PARD3: variants seen among roughly 807,000 people sequenced by gnomAD.
PARD3 encodes partitioning defective 3 homolog.
A neutral mutation model predicts 155.4 loss-of-function variants in PARD3; 75 were observed. The ratio of observed to expected loss-of-function variants is 0.48; its 90% CI spans 0.40 to 0.58. The LOEUF is 0.58. Ranked by LOEUF, PARD3 falls within the 20% of genes least tolerant of loss-of-function variation. PARD3 has a pLI of 0.00. For synonymous variants in PARD3, 576 were observed against 610.5 expected, an observed-to-expected ratio of 0.94 and a Z score of 0.83; for missense variants, 1,642 against 1,721.7, an observed-to-expected ratio of 0.95 and a Z score of 0.82.
chr10:34,422,117 G>A (rs547257873), intron 5 of PARD3, among the ~76,000 whole-genome samples: 1 of 152,262 alleles, frequency 6.6e-6, no homozygotes, highest in South Asian at 2.1e-4. Flanking sequence ...AGGAATCTCA[G>A]TTTATGAATA....
Position 34,706,973 on chromosome 10 carries a change from C to T in PARD3, c.121-10554G>A, listed in dbSNP as rs567439798. ...AAATTTTAAAAATTAGGGCTGGGTT[C>T]GGTAGCTCACACCTGTAATCCTAGC... On this transcript the variant is annotated intron_variant, in intron 1 of 24. Transcript: ENST00000374788. Among the ~76,000 whole-genome samples the T allele has an allele frequency of 9.9e-5, 15 of 151,712 alleles. No individual in the cohort carries two copies. In the East Asian group the frequency reaches 2.3e-3, roughly 24 times the overall value.
At chr10:34,658,521 G>GGGGGCT (rs1171573924) in intron 2 of PARD3, among the ~76,000 whole-genome samples, 3 of 152,082 alleles carry the variant, frequency 2.0e-5, no homozygotes, top group Non-Finnish European at 2.9e-5. Context: ...AGAAGATGCT[G>GGGGGCT]GGGGCTGGGG....
At chr10:34,635,168 G>T (rs1445741216) in intron 2 of PARD3, among the ~76,000 whole-genome samples, 1 of 152,258 alleles carries the variant, frequency 6.6e-6, no homozygotes, top group African/African-American at 2.4e-5. Context: ...GCAGCGACGT[G>T]TTCAAGCTCC....
chr10:34,374,801 G>C, intron 11 of PARD3, 73 bp downstream of exon 11: 1 of 1,395,602 alleles, frequency 7.2e-7, no homozygotes, highest in Non-Finnish European at 9.9e-7. Context: ...ATAAACATTT[G>C]CCATCAGGCA....
intron 2 of PARD3, among the ~76,000 whole-genome samples, chr10:34,663,390 C>T (rs1178200312): frequency 6.6e-6 from 1 of 151,846 alleles, no homozygotes; most frequent in East Asian, 1.9e-4. Context: ...TGCTTGAACT[C>T]GGGAGGCGGA....
chr10:34,569,140 C>T (rs1273132905), intron 2 of PARD3, among the ~76,000 whole-genome samples: 1 of 152,162 alleles, frequency 6.6e-6, no homozygotes, highest in Non-Finnish European at 1.5e-5. Flanking sequence ...AAGCAGACAG[C>T]AGACAACATT....
intron 7 of PARD3, among the ~76,000 whole-genome samples, chr10:34,396,063 A>C (rs181342813): frequency 1.3e-5 from 2 of 151,960 alleles, no homozygotes; most frequent in African/African-American, 4.8e-5. Context: ...ATTTTAAAAA[A>C]CTTAAGCCAG....
intron 2 of PARD3, among the ~76,000 whole-genome samples, chr10:34,634,300 T>C (rs1257477179): frequency 1.3e-5 from 2 of 152,186 alleles, no homozygotes; most frequent in Non-Finnish European, 2.9e-5. Flanking sequence ...CAAGATATAC[T>C]GGCAGAACAG....
intron 22 of PARD3, among the ~76,000 whole-genome samples, chr10:34,162,918 A>G (rs1949353585): frequency 6.6e-6 from 1 of 152,168 alleles, no homozygotes; most frequent in Non-Finnish European, 1.5e-5. Flanking sequence ...GATAGATGCC[A>G]CCACCACACG....
intron 22 of PARD3, among the ~76,000 whole-genome samples, chr10:34,174,269 T>C (rs1949937776): frequency 1.3e-5 from 2 of 152,174 alleles, no homozygotes; most frequent in South Asian, 2.1e-4. Context: ...ACTATATGCA[T>C]GACTACTGCG....
chr10:34,636,819 C>G (rs866671583), intron 2 of PARD3, among the ~76,000 whole-genome samples: 2 of 152,084 alleles, frequency 1.3e-5, no homozygotes, highest in African/African-American at 4.8e-5. Context: ...CAGCTGCACA[C>G]GACAGCAATG....
chr10:34,547,845 C>T (rs755181608), intron 2 of PARD3, among the ~76,000 whole-genome samples: 8 of 152,192 alleles, frequency 5.3e-5, no homozygotes, highest in South Asian at 4.1e-4. Context: ...TCTGGCCCTA[C>T]GTGTTGATAA....
intron 22 of PARD3, among the ~76,000 whole-genome samples, chr10:34,214,810 C>T (rs920721137): frequency 6.6e-6 from 1 of 151,940 alleles, no homozygotes; most frequent in African/African-American, 2.4e-5. Flanking sequence ...TAAAAATTTA[C>T]AAAGTCAAGA....
chr10:34,183,970 T>C (rs934670145), intron 22 of PARD3, among the ~76,000 whole-genome samples: 1 of 152,288 alleles, frequency 6.6e-6, no homozygotes, highest in African/African-American at 2.4e-5. Context: ...GTGTGCGCCA[T>C]CATGGCTGGC....
intron 2 of PARD3, among the ~76,000 whole-genome samples, chr10:34,576,784 A>G (rs965250661): frequency 6.6e-6 from 1 of 152,192 alleles, no homozygotes; most frequent in Non-Finnish European, 1.5e-5. Flanking sequence ...AAATTTAGAT[A>G]CCTCTATGAT....
rs2092994328 is a variant in PARD3 at position 34,651,009 on chromosome 10, CTCAAAAAAAAAAA to C, written c.222+45296_222+45308del. On this transcript the variant is annotated intron_variant, in intron 2 of 24. Coordinates refer to ENST00000374788, the MANE Select transcript of PARD3 (RefSeq NM_001184785.2). The stretch of plus-strand genomic sequence containing the variant: ...CTGGGCAACAAGAACGAAACTCTGT[CTCAAAAAAAAAAA>C]AAAAAAAAAAAAAAAAAAAAAAAAA... 8.4e-5 allele frequency among the ~76,000 whole-genome samples: 4 copies of C among 47,628 alleles called. No individual in the cohort carries two copies. In the Admixed American group the frequency reaches 1.5e-3, roughly 17 times the overall value. The allele number at this position is 47,628 out of a possible 152,430, so 31.2% of individuals were successfully genotyped here.
intron 1 of PARD3, among the ~76,000 whole-genome samples, chr10:34,713,155 T>G (rs564865383): frequency 6.6e-6 from 1 of 152,222 alleles, no homozygotes; most frequent in East Asian, 1.9e-4. Flanking sequence ...GAGGTTGTGG[T>G]GAGCCGAGAT....
intron 2 of PARD3, among the ~76,000 whole-genome samples, chr10:34,574,737 C>T (rs2086755164): frequency 6.6e-6 from 1 of 152,160 alleles, no homozygotes; most frequent in Non-Finnish European, 1.5e-5. Context: ...GATATAGGAG[C>T]TCCTTCTCCC....
At chr10:34,494,128 A>G (rs1203152875) in intron 3 of PARD3, among the ~76,000 whole-genome samples, 1 of 152,242 alleles carries the variant, frequency 6.6e-6, no homozygotes, top group African/African-American at 2.4e-5. Flanking sequence ...GTCACCAAAA[A>G]TACACAGCAC....
Sources: allele counts gnomAD v4.1 joint callset (sites outside exome capture counted in the v4.1 genomes callset), GRCh38; gene constraint gnomAD v4.1.1; transcripts MANE v1.5; gene names NCBI Gene and HGNC (gene_info 2026-07-23, HGNC 2026-07-21).